LY9: variants seen among roughly 807,000 people sequenced by gnomAD.
LY9 encodes the protein lymphocyte antigen 9.
A neutral mutation model predicts 64.6 loss-of-function variants in LY9; 59 were observed. The observed-to-expected ratio is 0.91, with a 90% CI of 0.74 to 1.13. The LOEUF (loss-of-function observed/expected upper bound fraction) is 1.13, where lower values mean the gene tolerates loss of function less well. LY9 is among the 50% of genes most tolerant of loss of function. The pLI, the probability that LY9 is intolerant of heterozygous loss-of-function variation, is 0.00. For synonymous variants in LY9, 281 were observed against 308.5 expected, an observed-to-expected ratio of 0.91 and a Z score of 0.93; for missense variants, 789 against 797.2, an observed-to-expected ratio of 0.99 and a Z score of 0.12.
chr1:160,802,193 T>C, intron 2 of LY9: 1 of 1,205,280 alleles, frequency 8.3e-7, no homozygotes, highest in South Asian at 2.7e-5. Context: ...GTGGGGTTTG[T>C]GCTTGGTCTT....
intron 7 of LY9, among the ~76,000 whole-genome samples, chr1:160,821,163 A>AAAAAAAAAAAAAAC (rs917259935): frequency 6.6e-6 from 1 of 150,772 alleles, no homozygotes; most frequent in Non-Finnish European, 1.5e-5. Context: ...AAAAAAAAAA[A>AAAAAAAAAAAAAAC]AAAAAACCAT....
intron 2 of LY9, among the ~76,000 whole-genome samples, chr1:160,803,732 G>A (rs1666720077): frequency 6.6e-6 from 1 of 152,150 alleles, no homozygotes; most frequent in Admixed American, 6.5e-5. Flanking sequence ...CTCAGGCTAA[G>A]CGTGGTGGCT....
At chr1:160,825,207 TAA>T (rs60088243) in intron 9 of LY9, among the ~76,000 whole-genome samples, 10 of 138,650 alleles carry the variant, frequency 7.2e-5, no homozygotes, top group Admixed American at 1.4e-4. Flanking sequence ...GACCATGTCT[TAA>T]AAAAAAAAAA....
chr1:160,816,557 G>A (rs368811444), intron 4 of LY9, 37 bp from the exon 5 acceptor site: 2 of 1,549,890 alleles, frequency 1.3e-6, no homozygotes, highest in African/African-American at 1.4e-5. Flanking sequence ...CAGGGGGCAG[G>A]CCTGATTCCA....
rs767577038 is a variant in LY9, at chr1:160,818,213, C to G, written c.1343-5C>G. 1.9e-6 allele frequency: 3 copies of G among 1,602,098 alleles called. No homozygotes were observed. The East Asian group carries it at 6.7e-5, about 36-fold the overall frequency. On this transcript the variant is annotated splice_region_variant and splice_polypyrimidine_tract_variant and intron_variant, in intron 5 of 9. Coordinates refer to ENST00000263285, the MANE Select transcript of LY9 (RefSeq NM_002348.4). ...GAATTAACATCACTCATTTCCTCCT[C>G]AAAGGACCTGAGAGAAACACAAAGC... is the stretch of plus-strand genomic sequence containing the variant.
chr1:160,815,615 G>A (rs972004564), intron 4 of LY9, among the ~76,000 whole-genome samples: 1 of 152,144 alleles, frequency 6.6e-6, no homozygotes, highest in African/African-American at 2.4e-5. Flanking sequence ...TCAAACTCCT[G>A]ACCTCAGGTG....
At chr1:160,806,398 T>C (rs1470021900) in intron 2 of LY9, among the ~76,000 whole-genome samples, 4 of 152,232 alleles carry the variant, frequency 2.6e-5, no homozygotes, top group Non-Finnish European at 4.4e-5. Flanking sequence ...CTTTTGCTTC[T>C]GGGTTTAGGA....
At position 160,819,346 on chromosome 1, in the gene LY9, C is replaced by T; in HGVS notation, c.1470C>T (p.Ser490=). 1.2e-6 allele frequency: 2 copies of T among 1,613,686 alleles called. No homozygotes were observed. Among genetic ancestry groups the T allele is most frequent in the East Asian group, 4.5e-5 (2 of 44,878 alleles). The stretch of plus-strand genomic sequence containing the variant: ...GTTCAGTCCCAGCCTTCTGTTCCAG[C>T]CAAGCTGAGGCCCCAGCGGATACAC... ...GRCSVPAFCS[S]QAEAPADTPE... Residue 490 remains serine, a synonymous_variant, in exon 7 of 10, where the codon AGC becomes AGT. Transcript: ENST00000263285.
chr1:160,826,649 G>A (rs1402978611), intron 9 of LY9, among the ~76,000 whole-genome samples: 1 of 152,212 alleles, frequency 6.6e-6, no homozygotes, highest in Non-Finnish European at 1.5e-5. Context: ...GTGGTAAAGA[G>A]GAAACACATC....
In LY9 at chr1:160,823,623, C is replaced by T; in HGVS notation, c.1657C>T (p.His553Tyr). ...TEEDEDRPEV[H>Y]KPISGRYEVF... ...GGAGGATGAGGACAGGCCTGAGGTG[C>T]ACAAGCCCATCAGTGGAAGATATGA... The change falls in exon 8 of 10, where the codon CAC (histidine) becomes TAC (tyrosine). Residue 553 changes from histidine (H) to tyrosine (Y), a missense_variant. Coordinates refer to ENST00000263285, the MANE Select transcript of LY9 (RefSeq NM_002348.4). 1 of 1,614,164 alleles carries T rather than the reference C, an allele frequency of 6.2e-7. No homozygotes were observed. Among genetic ancestry groups the T allele is most frequent in the South Asian group, 1.1e-5 (1 of 91,084 alleles).
intron 9 of LY9, among the ~76,000 whole-genome samples, chr1:160,824,979 CAAAAAAAAA>C (rs60603957): frequency 6.7e-5 from 4 of 59,442 alleles, no homozygotes; most frequent in Admixed American, 1.9e-4. Context: ...GACTCCATCT[CAAAAAAAAA>C]AAAAAAAAAA....
At position 160,813,728 on chromosome 1, in the gene LY9, G is replaced by A; in HGVS notation, c.547G>A (p.Ala183Thr). 2 of 1,614,192 alleles carry A rather than the reference G, an allele frequency of 1.2e-6. No homozygotes were observed. Among genetic ancestry groups the A allele is most frequent in the Non-Finnish European group, 1.7e-6 (2 of 1,180,028 alleles). ...NITLMCSVKGAEKSVLYSWTP... is the reference protein window; with the variant it reads ...NITLMCSVKGTEKSVLYSWTP... ...CACTCTAATGTGCTCCGTGAAGGGG[G>A]CAGAGAAAAGTGTTCTGTACAGCTG... The change falls in exon 3 of 10, where the codon GCA (alanine) becomes ACA (threonine). Residue 183 changes from alanine (A) to threonine (T), a missense_variant. Ala to Thr is a moderately conservative substitution (Grantham distance 58, BLOSUM62 0). Coordinates refer to ENST00000263285, the MANE Select transcript of LY9 (RefSeq NM_002348.4).
chr1:160,808,208 G>A (rs1667168040), intron 2 of LY9, among the ~76,000 whole-genome samples: 1 of 152,194 alleles, frequency 6.6e-6, no homozygotes, highest in East Asian at 1.9e-4. Context: ...AGTCACAGCA[G>A]CATTCACTTC....
At chr1:160,805,919 C>CTTTTTT (rs60244350) in intron 2 of LY9, among the ~76,000 whole-genome samples, 128 of 72,276 alleles carry the variant, frequency 1.8e-3, no homozygotes, top group Non-Finnish European at 2.5e-3. Flanking sequence ...CATTCTTTGT[C>CTTTTTT]TTTTTTTTTT....
rs181763581 is a variant in LY9 at position 160,809,104 on chromosome 1, C to T, written c.455-4532C>T. On this transcript the variant is annotated intron_variant, in intron 2 of 9. Coordinates refer to ENST00000263285, the MANE Select transcript of LY9 (RefSeq NM_002348.4). ...GAATATTCTTGTGCACCTATCTTTT[C>T]ACGCTTATGTGACTAGGTTATATTC... Among the ~76,000 whole-genome samples the T allele has an allele frequency of 3.5e-3, 531 of 152,090 alleles. 1 individual carries two copies. The highest frequency in any genetic ancestry group is 4.0e-3 in the Non-Finnish European group (274 of 68,000).
chr1:160,823,916 C>G, intron 8 of LY9, 120 bp downstream of exon 8: 1 of 827,222 alleles, frequency 1.2e-6, no homozygotes, highest in Non-Finnish European at 1.9e-6. Context: ...TAGGGGCATA[C>G]GGGCAGGGAC....
chr1:160,805,562 A>G (rs1570988037), intron 2 of LY9, among the ~76,000 whole-genome samples: 1 of 152,154 alleles, frequency 6.6e-6, no homozygotes, highest in Admixed American at 6.5e-5. Flanking sequence ...AAAAGAATGT[A>G]TATTCTGCAA....
chr1:160,819,558 G>C (rs906094631), intron 7 of LY9, among the ~76,000 whole-genome samples, 184 bp downstream of exon 7: 1 of 152,054 alleles, frequency 6.6e-6, no homozygotes, highest in East Asian at 1.9e-4. Context: ...GGGAGGCTGA[G>C]GCAGGTAGAT....
chr1:160,798,557 A>G (rs759278355), intron 1 of LY9, among the ~76,000 whole-genome samples: 12 of 152,166 alleles, frequency 7.9e-5, no homozygotes, highest in Non-Finnish European at 1.5e-4. Context: ...ATCTGCCTAA[A>G]GAATCCACCT....
Sources: gnomAD v4.1 joint callset for allele counts (sites outside exome capture counted in the v4.1 genomes callset) on GRCh38, gnomAD v4.1.1 for gene constraint, MANE v1.5 for transcripts, NCBI Gene and HGNC (gene_info 2026-07-23, HGNC 2026-07-21) for gene names.